The following NEO1 variants were observed in gnomAD, a reference collection of about 807,000 sequenced individuals.
The protein encoded by NEO1 is neogenin 1.
NEO1 carries 63 observed loss-of-function variants against 159.7 expected under a neutral mutation model. The observed-to-expected ratio is 0.39, with a 90% CI of 0.32 to 0.49. The LOEUF is 0.49. Among genes scored for constraint, NEO1 ranks in the 20% least tolerant of loss-of-function variants. NEO1 has a pLI of 0.85. For synonymous variants in NEO1, 633 were observed against 662.0 expected (o/e 0.96, Z 0.67); for missense variants, 1,615 against 1,831.0 (o/e 0.88, Z 2.15).
At chr15:73,157,960 A>T (rs2033898449) in intron 5 of NEO1, among the ~76,000 whole-genome samples, 1 of 152,182 alleles carries the variant, frequency 6.6e-6, no homozygotes, top group African/African-American at 2.4e-5. Flanking sequence ...TCACATCTGT[A>T]ATCCCAGCAT....
intron 1 of NEO1, among the ~76,000 whole-genome samples, chr15:73,092,064 A>G (rs1224497794): frequency 6.6e-6 from 1 of 152,214 alleles, no homozygotes. Flanking sequence ...GTAATCTCCA[A>G]ATCTTTTGTT....
intron 1 of NEO1, among the ~76,000 whole-genome samples, chr15:73,115,805 G>A (rs1393300262): frequency 6.6e-6 from 1 of 152,040 alleles, no homozygotes; most frequent in East Asian, 1.9e-4. Flanking sequence ...GAACTGACAG[G>A]GACTTAGAGA....
intron 22 of NEO1, among the ~76,000 whole-genome samples, chr15:73,281,078 G>A (rs529542320): frequency 1.5e-4 from 22 of 151,030 alleles, no homozygotes; most frequent in Admixed American, 9.9e-4. Flanking sequence ...CATGGTGGCG[G>A]GCGCCTGTAG....
chr15:73,277,515 A>C (rs1476930338), intron 21 of NEO1, among the ~76,000 whole-genome samples: 1 of 152,168 alleles, frequency 6.6e-6, no homozygotes, highest in Non-Finnish European at 1.5e-5. Flanking sequence ...AGCAACTAGG[A>C]GGAAGACTGT....
intron 1 of NEO1, among the ~76,000 whole-genome samples, chr15:73,085,965 TTTTTC>T (rs1200450312): frequency 6.6e-6 from 1 of 152,202 alleles, no homozygotes; most frequent in African/African-American, 2.4e-5. Context: ...CTTGCCAGTT[TTTTTC>T]TTTTATGAAT....
chr15:73,284,273 C>T (rs1024539264), intron 23 of NEO1, among the ~76,000 whole-genome samples: 1 of 152,074 alleles, frequency 6.6e-6, no homozygotes, highest in Non-Finnish European at 1.5e-5. Context: ...GGTGTTGCTC[C>T]GCTAGAGAAA....
At chr15:73,144,786 T>G (rs1360056610) in intron 5 of NEO1, among the ~76,000 whole-genome samples, 2 of 152,242 alleles carry the variant, frequency 1.3e-5, no homozygotes, top group Admixed American at 1.3e-4. Flanking sequence ...AATATTTTTC[T>G]TCTTTGATTT....
intron 16 of NEO1, among the ~76,000 whole-genome samples, chr15:73,267,401 T>G (rs943026855): frequency 6.6e-6 from 1 of 152,218 alleles, no homozygotes; most frequent in Non-Finnish European, 1.5e-5. Context: ...TTCTTTTTTT[T>G]ATTATACTTT....
intron 22 of NEO1, among the ~76,000 whole-genome samples, chr15:73,282,099 C>T (rs938124677): frequency 6.6e-6 from 1 of 152,164 alleles, no homozygotes; most frequent in Non-Finnish European, 1.5e-5. Flanking sequence ...TTGAGAAGAG[C>T]TTGTTCCTGC....
intron 27 of NEO1, among the ~76,000 whole-genome samples, chr15:73,300,875 T>G (rs2042586841): frequency 1.3e-5 from 2 of 152,240 alleles, no homozygotes; most frequent in African/African-American, 4.8e-5. Context: ...TGAAACTGGC[T>G]TTTTTAAACT....
At chr15:73,101,242 T>C (rs535689563) in intron 1 of NEO1, among the ~76,000 whole-genome samples, 2 of 152,260 alleles carry the variant, frequency 1.3e-5, no homozygotes, top group South Asian at 2.1e-4. Context: ...AGTGTGTTGC[T>C]TAATTTCTAA....
chr15:73,281,987 A>C (rs188880804), intron 22 of NEO1, among the ~76,000 whole-genome samples: 233 of 152,380 alleles, frequency 1.5e-3, no homozygotes, highest in African/African-American at 5.3e-3. Flanking sequence ...TAAATGGTCC[A>C]GCCTCTGCAG....
chr15:73,081,828 A>G (rs969656534), intron 1 of NEO1, among the ~76,000 whole-genome samples: 3 of 150,750 alleles, frequency 2.0e-5, no homozygotes, highest in African/African-American at 4.9e-5. Context: ...AAGTGCTGGC[A>G]TTACAGGTAT....
At chr15:73,095,013 A>T (rs1384031627) in intron 1 of NEO1, among the ~76,000 whole-genome samples, 1 of 152,138 alleles carries the variant, frequency 6.6e-6, no homozygotes, top group Non-Finnish European at 1.5e-5. Context: ...GATTGAGACC[A>T]TCCTGGCCAA....
At chr15:73,275,999 A>C (rs1296112688) in intron 21 of NEO1, among the ~76,000 whole-genome samples, 1 of 152,240 alleles carries the variant, frequency 6.6e-6, no homozygotes, top group Non-Finnish European at 1.5e-5. Context: ...ATGTGTTTGC[A>C]TTCAGTGAGT....
intron 5 of NEO1, among the ~76,000 whole-genome samples, chr15:73,138,625 G>A (rs962845339): frequency 1.3e-5 from 2 of 151,972 alleles, no homozygotes; most frequent in Non-Finnish European, 2.9e-5. Context: ...GCGTAGTGGC[G>A]GCCGCCTGTA....
At chr15:73,249,264 A>G in intron 10 of NEO1, 56 bp downstream of exon 10, 5 of 1,574,896 alleles carry the variant, frequency 3.2e-6, no homozygotes, top group East Asian at 2.3e-5. Context: ...GTTGAAATAT[A>G]TTTCCAAAAC....
intron 18 of NEO1, among the ~76,000 whole-genome samples, chr15:73,271,455 C>A (rs1190426479): frequency 6.6e-6 from 1 of 152,184 alleles, no homozygotes; most frequent in Non-Finnish European, 1.5e-5. Flanking sequence ...TCAGCTATCA[C>A]ATGGAAACAC....
chr15:73,139,030 G>A (rs939987624), intron 5 of NEO1, among the ~76,000 whole-genome samples: 3 of 152,096 alleles, frequency 2.0e-5, no homozygotes, highest in Non-Finnish European at 4.4e-5. Context: ...TGGCTCTCTC[G>A]ATGCTAAGAA....
Sources: allele counts gnomAD v4.1 joint callset (sites outside exome capture counted in the v4.1 genomes callset), GRCh38; gene constraint gnomAD v4.1.1; transcripts MANE v1.5; gene names NCBI Gene and HGNC (gene_info 2026-07-23, HGNC 2026-07-21).